Variants in YEATS4 observed in about 807,000 individuals in gnomAD.
YEATS4 encodes YEATS domain containing 4.
Under a neutral mutation model 30.1 loss-of-function variants are expected in YEATS4, and 17 were observed. The observed-to-expected ratio is 0.56, with a 90% confidence interval of 0.39 to 0.85. The LOEUF (loss-of-function observed/expected upper bound fraction) is 0.85. Ranked by LOEUF, YEATS4 falls within the 40% of genes least tolerant of loss-of-function variation. YEATS4 has a pLI of 0.00. For missense variants in YEATS4, 142 were observed against 268.3 expected (o/e 0.53, Z 3.29); for synonymous variants, 85 against 87.5 (o/e 0.97, Z 0.16).
chr12:69,372,526 G>A (rs548630835), intron 6 of YEATS4, among the ~76,000 whole-genome samples: 25 of 136,282 alleles, frequency 1.8e-4, no homozygotes, highest in African/African-American at 6.4e-4. Context: ...TCTGTTTTCT[G>A]TATCTCATGA....
downstream of YEATS4, among the ~76,000 whole-genome samples, chr12:69,393,234 A>G (rs1868328797): frequency 6.6e-6 from 1 of 152,198 alleles, no homozygotes. Context: ...TGAGGGCAGG[A>G]GTTTGAAACT....
chr12:69,383,273 A>T (rs1467839431), intron 6 of YEATS4, among the ~76,000 whole-genome samples: 3 of 152,178 alleles, frequency 2.0e-5, no homozygotes, highest in Non-Finnish European at 1.5e-5. Context: ...CAAAAAAAAA[A>T]AGTGCAAGTT....
At chr12:69,361,597 C>T (rs1323832698) in intron 1 of YEATS4, among the ~76,000 whole-genome samples, 1 of 151,292 alleles carries the variant, frequency 6.6e-6, no homozygotes, top group Non-Finnish European at 1.5e-5. Flanking sequence ...GGCCGCTTTT[C>T]TTCATTTTTA....
At chr12:69,418,355 G>A in the YEATS4 span, among the ~76,000 whole-genome samples, 3 of 152,292 alleles carry the variant, frequency 2.0e-5, no homozygotes, top group Non-Finnish European at 2.9e-5. Context: ...GGGAGGCTGA[G>A]GCACAAGAAT....
At chr12:69,388,196 G>A (rs928135918) in intron 6 of YEATS4, among the ~76,000 whole-genome samples, 1 of 152,154 alleles carries the variant, frequency 6.6e-6, no homozygotes, top group Non-Finnish European at 1.5e-5. Flanking sequence ...GCGTAGCTGG[G>A]ACTACAAGTG....
chr12:69,368,136 A>T (rs746261476), intron 4 of YEATS4, among the ~76,000 whole-genome samples: 12 of 152,198 alleles, frequency 7.9e-5, no homozygotes, highest in Admixed American at 2.0e-4. Context: ...TAGTATTATT[A>T]AACTATTGTA....
At chr12:69,410,454 C>T in the YEATS4 span, among the ~76,000 whole-genome samples, 2 of 152,186 alleles carry the variant, frequency 1.3e-5, no homozygotes, top group African/African-American at 4.8e-5. Context: ...ACTTATTCTA[C>T]ACAGTTAACA....
intron 6 of YEATS4, among the ~76,000 whole-genome samples, chr12:69,385,758 G>A (rs1051573029): frequency 4.6e-5 from 7 of 152,202 alleles, no homozygotes; most frequent in African/African-American, 1.4e-4. Flanking sequence ...TAGTAAAAAT[G>A]ATAGTGAACA....
chr12:69,383,698 A>G (rs1876167097), intron 6 of YEATS4, among the ~76,000 whole-genome samples: 1 of 152,188 alleles, frequency 6.6e-6, no homozygotes, highest in Non-Finnish European at 1.5e-5. Flanking sequence ...CTCCTTGATG[A>G]CTTTAACAGG....
chr12:69,413,353 GAAAA>G, the YEATS4 span, among the ~76,000 whole-genome samples: 53,335 of 110,430 alleles, frequency 0.48, 10,572 homozygotes, highest in South Asian at 0.64. Context: ...GTCTCTAAAT[GAAAA>G]AAAAAAAAAA....
intron 6 of YEATS4, among the ~76,000 whole-genome samples, chr12:69,381,277 G>A (rs1876065150): frequency 1.3e-5 from 2 of 152,194 alleles, no homozygotes; most frequent in Non-Finnish European, 2.9e-5. Context: ...CTGAGAAAAA[G>A]AATTCAGCGA....
At chr12:69,396,249 A>G in the YEATS4 span, among the ~76,000 whole-genome samples, 1 of 152,240 alleles carries the variant, frequency 6.6e-6, no homozygotes, top group Non-Finnish European at 1.5e-5. Context: ...CTTATTCACT[A>G]AATGAATAGA....
chr12:69,365,802 C>T lies in YEATS4; in HGVS notation c.251C>T (p.Pro84Leu). The change falls in exon 4 of 7, where the codon CCT (proline) becomes CTT (leucine). Residue 84 changes from proline to leucine, a missense_variant. By Grantham distance (98) the Pro-to-Leu change is moderately conservative. This residue lies in a region of YEATS4 where 64 missense variants were observed against 164.0 expected (regional missense o/e 0.39). Transcript: ENST00000247843. ...TTTCTGTCTTTAGTTGTTACTAAAC[C>T]TCCATATGAAATTACTGAAACAGGA... ...YGNPLRVVTK[P>L]PYEITETGWG... 2 of 1,608,572 alleles carry T rather than the reference C, an allele frequency of 1.2e-6. No homozygotes were observed. Among genetic ancestry groups the T allele is most frequent in the Non-Finnish European group, 1.7e-6 (2 of 1,177,956 alleles).
intron 4 of YEATS4, among the ~76,000 whole-genome samples, chr12:69,366,987 AT>A (rs1189426685): frequency 6.6e-6 from 1 of 152,190 alleles, no homozygotes; most frequent in African/African-American, 2.4e-5. Flanking sequence ...ACCCCAGGTG[AT>A]TTTGATGCAC....
At chr12:69,411,074 CATTT>C in the YEATS4 span, among the ~76,000 whole-genome samples, 1 of 152,080 alleles carries the variant, frequency 6.6e-6, no homozygotes, top group African/African-American at 2.4e-5. Context: ...TATAGGTAAC[CATTT>C]ATTTAACAAT....
At chr12:69,363,190 T>G (rs1296936665) in intron 2 of YEATS4, among the ~76,000 whole-genome samples, 1 of 151,804 alleles carries the variant, frequency 6.6e-6, no homozygotes, top group Non-Finnish European at 1.5e-5. Flanking sequence ...AGACGGGGTT[T>G]CACCATGTTA....
At chr12:69,363,650 G>A (rs1592847405) in intron 2 of YEATS4, among the ~76,000 whole-genome samples, 1 of 152,250 alleles carries the variant, frequency 6.6e-6, no homozygotes, top group Non-Finnish European at 1.5e-5. Flanking sequence ...TTCAATGCCT[G>A]GAACATAGCC....
chr12:69,372,701 A>T (rs996858191), intron 6 of YEATS4, among the ~76,000 whole-genome samples: 6 of 151,206 alleles, frequency 4.0e-5, no homozygotes, highest in African/African-American at 1.5e-4. Context: ...CACCTGGCTA[A>T]TTTTTTTTAT....
At chr12:69,413,353 G>GAAAA in the YEATS4 span, among the ~76,000 whole-genome samples, 10 of 110,618 alleles carry the variant, frequency 9.0e-5, no homozygotes, top group Admixed American at 2.7e-4. Flanking sequence ...GTCTCTAAAT[G>GAAAA]AAAAAAAAAA....
Sources: allele counts gnomAD v4.1 joint callset (sites outside exome capture counted in the v4.1 genomes callset), GRCh38; gene constraint gnomAD v4.1.1; regional missense constraint gnomAD v4.1.1; transcripts MANE v1.5; gene names NCBI Gene and HGNC (gene_info 2026-07-23, HGNC 2026-07-21).